The following LEMD3 variants were observed in gnomAD, a reference collection of about 807,000 sequenced individuals.
LEMD3 encodes inner nuclear membrane protein Man1.
Under a neutral mutation model 95.2 loss-of-function variants are expected in LEMD3, and 33 were observed. The observed-to-expected ratio is 0.35, with a 90% CI of 0.26 to 0.46. The LOEUF (loss-of-function observed/expected upper bound fraction) is 0.46, where lower values mean the gene tolerates loss of function less well. Ranked by LOEUF, LEMD3 falls within the 20% of genes least tolerant of loss-of-function variation. The pLI is 1.00. For synonymous variants in LEMD3, 525 were observed against 474.6 expected (o/e 1.11, Z -1.38); for missense variants, 1,210 against 1,192.8 (o/e 1.01, Z -0.21).
intron 1 of LEMD3, among the ~76,000 whole-genome samples, chr12:65,173,201 T>G (rs1868610190): frequency 6.6e-6 from 1 of 152,190 alleles, no homozygotes; most frequent in Admixed American, 6.5e-5. Flanking sequence ...TTTATTATGA[T>G]TAAGAAAGTA....
At chr12:65,202,676 A>G (rs1157422044) in intron 1 of LEMD3, among the ~76,000 whole-genome samples, 1 of 152,172 alleles carries the variant, frequency 6.6e-6, no homozygotes, top group Non-Finnish European at 1.5e-5. Flanking sequence ...AGAATTCTCC[A>G]TCTGGGCCTG....
chr12:65,236,286 A>G (rs1408483406), intron 4 of LEMD3, among the ~76,000 whole-genome samples: 1 of 152,182 alleles, frequency 6.6e-6, no homozygotes, highest in East Asian at 1.9e-4. Context: ...TCATGCCTGT[A>G]ATCCTAGCAC....
chr12:65,214,114 G>A (rs1165607801), intron 2 of LEMD3, among the ~76,000 whole-genome samples: 1 of 152,020 alleles, frequency 6.6e-6, no homozygotes, highest in Non-Finnish European at 1.5e-5. Flanking sequence ...CACCAGGCTG[G>A]AGTACAGTGG....
At chr12:65,208,078 C>G (rs1486433462) in intron 1 of LEMD3, among the ~76,000 whole-genome samples, 1 of 151,934 alleles carries the variant, frequency 6.6e-6, no homozygotes, top group Non-Finnish European at 1.5e-5. Flanking sequence ...TCTAATGAAA[C>G]ATTTAAGGAA....
intron 1 of LEMD3, among the ~76,000 whole-genome samples, chr12:65,208,930 A>T (rs1869845647): frequency 6.6e-6 from 1 of 152,116 alleles, no homozygotes; most frequent in African/African-American, 2.4e-5. Flanking sequence ...ATTTTCAGCA[A>T]AATTGTTTTC....
intron 1 of LEMD3, among the ~76,000 whole-genome samples, chr12:65,209,113 A>G (rs148251713): frequency 2.0e-5 from 3 of 152,256 alleles, no homozygotes; most frequent in Non-Finnish European, 2.9e-5. Context: ...CACTAACTAT[A>G]TATCTAGTAC....
intron 1 of LEMD3, 136 bp downstream of exon 1, chr12:65,171,254 ATG>A: frequency 2.1e-6 from 3 of 1,456,228 alleles, no homozygotes; most frequent in South Asian, 2.4e-5. Flanking sequence ...CAGTGCGTGC[ATG>A]TGTCATCTTT....
At chr12:65,196,798 G>A (rs953441948) in intron 1 of LEMD3, among the ~76,000 whole-genome samples, 8 of 152,076 alleles carry the variant, frequency 5.3e-5, no homozygotes, top group Non-Finnish European at 7.4e-5. Flanking sequence ...CTCAGTGGGG[G>A]CACTTATGCC....
rs1354692749 is a variant in LEMD3, at chr12:65,169,746, G to C, written c.150G>C (p.Glu50Asp). 1 of 1,592,984 alleles carries C rather than the reference G, an allele frequency of 6.3e-7. No homozygotes were observed. The highest frequency in any genetic ancestry group is 2.3e-5 in the East Asian group (1 of 44,080). ...LKKLKKLREE[E>D]QQQHRSGGRG... ...AGCTGAAGAAGCTTCGAGAGGAAGA[G>C]CAGCAACAGCACCGGTCAGGGGGCC... The change falls in exon 1 of 13, where the codon GAG (glutamate) becomes GAC (aspartate). Residue 50 changes from glutamate (E) to aspartate (D), a missense_variant. Transcript: ENST00000308330.
At chr12:65,209,596 T>A (rs1251747629) in intron 1 of LEMD3, among the ~76,000 whole-genome samples, 1 of 152,144 alleles carries the variant, frequency 6.6e-6, no homozygotes, top group Non-Finnish European at 1.5e-5. Flanking sequence ...TGAAGCTATA[T>A]TATTTCTTCT....
chr12:65,219,830 C>G (rs936096545), intron 4 of LEMD3, among the ~76,000 whole-genome samples: 1 of 152,162 alleles, frequency 6.6e-6, no homozygotes, highest in Non-Finnish European at 1.5e-5. Flanking sequence ...TGGCTTATTT[C>G]ACCTAGCATA....
Position 65,192,896 on chromosome 12 carries a change from T to G in LEMD3, c.1523-18030T>G, listed in dbSNP as rs1869288555. Among the ~76,000 whole-genome samples, 6 of 152,190 alleles carry G rather than the reference T, an allele frequency of 3.9e-5. No individual in the cohort carries two copies. The South Asian group carries it at 1.2e-3, about 32-fold the overall frequency. ...TGGAAACTGGTTTTAAGTAGATGTATTATAACATAAAACAAAGCTAGCCAT... is the reference window on the plus strand; with the variant it reads ...TGGAAACTGGTTTTAAGTAGATGTAGTATAACATAAAACAAAGCTAGCCAT... On this transcript the variant is annotated intron_variant, in intron 1 of 12. Transcript: ENST00000308330.
intron 2 of LEMD3, among the ~76,000 whole-genome samples, chr12:65,212,421 C>T (rs1038581000): frequency 2.0e-5 from 3 of 151,850 alleles, no homozygotes; most frequent in Non-Finnish European, 4.4e-5. Flanking sequence ...CCTGTAGTCC[C>T]AGCTACTCGG....
chr12:65,175,674 G>A (rs1348508529), intron 1 of LEMD3, among the ~76,000 whole-genome samples: 1 of 152,126 alleles, frequency 6.6e-6, no homozygotes, highest in Non-Finnish European at 1.5e-5. Flanking sequence ...ATCTTTGGCT[G>A]TCTCCTTTTG....
At chr12:65,198,048 C>A (rs1251007053) in intron 1 of LEMD3, among the ~76,000 whole-genome samples, 2 of 152,108 alleles carry the variant, frequency 1.3e-5, no homozygotes, top group Admixed American at 1.3e-4. Context: ...CATTGCACAT[C>A]TCCAAATGAT....
rs539457934 is a variant in LEMD3 at position 65,194,464 on chromosome 12, A to G, written c.1523-16462A>G. ...GTGCTGCTAATTGGTTGTGGATGCA[A>G]TCATAGCGGTGTGGAAATGGTCCCT... On this transcript the variant is annotated intron_variant, in intron 1 of 12. Coordinates refer to ENST00000308330, the MANE Select transcript of LEMD3 (RefSeq NM_014319.5). Among the ~76,000 whole-genome samples the G allele has an allele frequency of 9.2e-5, 14 of 152,142 alleles. No homozygotes were observed. The South Asian group carries it at 1.2e-3, about 14-fold the overall frequency.
chr12:65,246,373 C>T lies in LEMD3; in HGVS notation c.*48C>T, dbSNP rs1161536795. On this transcript the variant is annotated 3_prime_UTR_variant, in exon 13 of 13. Transcript: ENST00000308330. ...GACTGTTATTTACAATAGGAAAATTCCTGTTTGGCTTTTTGTCTTCCTTTT... is the reference window on the plus strand; with the variant it reads ...GACTGTTATTTACAATAGGAAAATTTCTGTTTGGCTTTTTGTCTTCCTTTT... 8 of 1,457,016 alleles carry T rather than the reference C, an allele frequency of 5.5e-6. No homozygotes were observed. The highest frequency in any genetic ancestry group is 7.7e-6 in the Non-Finnish European group (8 of 1,040,564). The allele number at this position is 1,457,016 out of a possible 1,614,324, so 90.3% of individuals were successfully genotyped here. A position where few individuals can be genotyped will look rare whatever the true frequency, so the allele number is the denominator to read the frequency against.
chr12:65,240,032 TATG>T lies in LEMD3; in HGVS notation c.2023+5_2023+7del. The T allele has an allele frequency of 6.3e-7, 1 of 1,588,492 alleles. No individual in the cohort carries two copies. Among genetic ancestry groups the T allele is most frequent in the East Asian group, 2.2e-5 (1 of 44,666 alleles). On this transcript the variant is annotated splice_donor_5th_base_variant and intron_variant, in intron 7 of 12. Coordinates refer to ENST00000308330, the MANE Select transcript of LEMD3 (RefSeq NM_014319.5). ...ATGATATGGTGGTAAAGATTATAGG[TATG>T]ATATTTGTAAGAATCTCAACTATTT...
chr12:65,205,043 A>T (rs895885148), intron 1 of LEMD3, among the ~76,000 whole-genome samples: 1 of 152,174 alleles, frequency 6.6e-6, no homozygotes, highest in Admixed American at 6.5e-5. Context: ...GAAATTTGCA[A>T]TCATGGCAGA....
Sources: allele counts gnomAD v4.1 joint callset (sites outside exome capture counted in the v4.1 genomes callset), GRCh38; gene constraint gnomAD v4.1.1; transcripts MANE v1.5; gene names NCBI Gene and HGNC (gene_info 2026-07-23, HGNC 2026-07-21).